PCSK5: variants seen among roughly 807,000 people sequenced by gnomAD.
The protein encoded by PCSK5 is prohormone convertase 5.
Under a neutral mutation model 233.2 loss-of-function variants are expected in PCSK5, and 129 were observed. The ratio of observed to expected loss-of-function variants is 0.55; its 90% confidence interval spans 0.48 to 0.64. PCSK5 has a LOEUF of 0.64. PCSK5 is among the 30% of genes least tolerant of loss of function. The pLI, the probability that PCSK5 is intolerant of heterozygous loss-of-function variation, is 0.00. For missense variants in PCSK5, 2,076 were observed against 2,430.1 expected (o/e 0.85, Z 3.06); for synonymous variants, 825 against 879.2 (o/e 0.94, Z 1.09).
intron 20 of PCSK5, among the ~76,000 whole-genome samples, chr9:76,216,479 CAGTG>C (rs991184884): frequency 3.3e-5 from 5 of 152,164 alleles, no homozygotes; most frequent in Non-Finnish European, 4.4e-5. Flanking sequence ...GGGTGAAGAT[CAGTG>C]AGTGTCACAA....
At chr9:76,233,205 T>C (rs1826148577) in intron 21 of PCSK5, among the ~76,000 whole-genome samples, 1 of 152,208 alleles carries the variant, frequency 6.6e-6, no homozygotes, top group African/African-American at 2.4e-5. Flanking sequence ...CCAGTTAGCT[T>C]GTTTGGAAGC....
At chr9:75,942,744 G>A (rs1030671845) in intron 2 of PCSK5, among the ~76,000 whole-genome samples, 12 of 151,978 alleles carry the variant, frequency 7.9e-5, no homozygotes, top group Admixed American at 5.9e-4. Flanking sequence ...TAAAAGTGAC[G>A]GCCATAAAAA....
chr9:75,942,188 G>A lies in PCSK5; in HGVS notation c.297+9705G>A, dbSNP rs552169936. Among the ~76,000 whole-genome samples the A allele has an allele frequency of 2.0e-4, 31 of 152,326 alleles. No individual in the cohort carries two copies. The South Asian group carries it at 4.3e-3, about 21-fold the overall frequency. On this transcript the variant is annotated intron_variant, in intron 2 of 37. Transcript: ENST00000674117. The stretch of plus-strand genomic sequence containing the variant: ...CTGAGGCCGGCTGTCCTCAGGCTGC[G>A]GAGCTGGCTCGGTGTTGCCAATTTA...
intron 1 of PCSK5, among the ~76,000 whole-genome samples, chr9:75,903,610 A>ATT (rs1362575320): frequency 7.2e-6 from 1 of 139,718 alleles, no homozygotes; most frequent in African/African-American, 2.7e-5. Context: ...ATATATATAT[A>ATT]TTATATATAT....
chr9:75,960,348 T>C (rs1825294141), intron 2 of PCSK5, among the ~76,000 whole-genome samples: 1 of 151,700 alleles, frequency 6.6e-6, no homozygotes, highest in South Asian at 2.1e-4. Flanking sequence ...CAACCAGAGG[T>C]CAGGGCAGCT....
chr9:75,923,725 T>C (rs1823354706), intron 1 of PCSK5, among the ~76,000 whole-genome samples: 1 of 152,176 alleles, frequency 6.6e-6, no homozygotes, highest in Non-Finnish European at 1.5e-5. Context: ...CTTGCAATTC[T>C]AGAGGCCAGA....
Position 76,359,603 on chromosome 9 carries a change from A to G in PCSK5, c.*681A>G, listed in dbSNP as rs984049432. ...CCCAGGCCCTAGTTCCTCCGCAGGA[A>G]TCCAGAGTCACAACAATTCTAAAGG... On this transcript the variant is annotated 3_prime_UTR_variant, in exon 38 of 38. Coordinates refer to ENST00000674117, the MANE Select transcript of PCSK5 (RefSeq NM_001372043.1). 1.3e-5 allele frequency: 2 copies of G among 152,216 alleles called. No individual in the cohort carries two copies. Among genetic ancestry groups the G allele is most frequent in the African/African-American group, 2.4e-5 (1 of 41,442 alleles). The allele number at this position is 152,216 out of a possible 1,614,324, so 9.4% of individuals were successfully genotyped here.
chr9:75,951,453 A>G (rs577190247), intron 2 of PCSK5, among the ~76,000 whole-genome samples: 3 of 152,232 alleles, frequency 2.0e-5, no homozygotes, highest in Non-Finnish European at 4.4e-5. Context: ...TCAAGTGTGT[A>G]GTTGAGCAAA....
intron 20 of PCSK5, chr9:76,194,419 A>T (rs1473207038): frequency 6.6e-6 from 1 of 152,616 alleles, no homozygotes; most frequent in Admixed American, 6.5e-5. Context: ...ACTTTTTTCA[A>T]TGGTGCTTAT....
intron 12 of PCSK5, among the ~76,000 whole-genome samples, chr9:76,165,668 A>G (rs1168514565): frequency 6.6e-6 from 1 of 152,244 alleles, no homozygotes; most frequent in Non-Finnish European, 1.5e-5. Context: ...GCACGTGATT[A>G]TGAAGTCAAC....
intron 20 of PCSK5, chr9:76,193,452 T>C: frequency 1.2e-6 from 1 of 853,166 alleles, no homozygotes; most frequent in South Asian, 2.3e-5. Context: ...GCAAGCCACC[T>C]CTCTCTTTCT....
At chr9:76,278,011 T>G (rs1827746270) in intron 24 of PCSK5, among the ~76,000 whole-genome samples, 1 of 152,190 alleles carries the variant, frequency 6.6e-6, no homozygotes, top group African/African-American at 2.4e-5. Flanking sequence ...CTTAATTATC[T>G]CTCAAAACAA....
intron 2 of PCSK5, among the ~76,000 whole-genome samples, chr9:75,933,608 AT>A (rs1281720174): frequency 6.6e-6 from 1 of 152,020 alleles, no homozygotes; most frequent in Non-Finnish European, 1.5e-5. Context: ...GCCTTGTTTA[AT>A]TTTTTTCTGG....
At chr9:76,133,953 G>A (rs146003535) in intron 9 of PCSK5, among the ~76,000 whole-genome samples, 156 bp from the exon 10 acceptor site, 13 of 152,074 alleles carry the variant, frequency 8.5e-5, no homozygotes, top group Non-Finnish European at 1.5e-4. Context: ...GAACAAGAGC[G>A]GCATTTGGCA....
At chr9:76,240,729 TC>T in intron 24 of PCSK5, 45 bp downstream of exon 24, 5 of 1,346,496 alleles carry the variant, frequency 3.7e-6, no homozygotes, top group Non-Finnish European at 5.2e-6. Context: ...AATAGCTAAG[TC>T]CTTTTCCACA....
chr9:76,162,730 T>C (rs1822919281), intron 12 of PCSK5, among the ~76,000 whole-genome samples: 1 of 152,198 alleles, frequency 6.6e-6, no homozygotes, highest in African/African-American at 2.4e-5. Context: ...TAAAACAATG[T>C]TTCCCTAGCA....
At chr9:75,926,202 C>T (rs1158459109) in intron 1 of PCSK5, among the ~76,000 whole-genome samples, 1 of 152,130 alleles carries the variant, frequency 6.6e-6, no homozygotes, top group African/African-American at 2.4e-5. Context: ...AACCAGAATT[C>T]AGAAAAGGGG....
chr9:76,172,712 C>T (rs144166456), intron 13 of PCSK5, among the ~76,000 whole-genome samples: 5 of 152,304 alleles, frequency 3.3e-5, no homozygotes, highest in East Asian at 3.9e-4. Context: ...AAGGAAAATG[C>T]GTTCTCTTTT....
chr9:76,139,659 A>C (rs151290442), intron 10 of PCSK5, among the ~76,000 whole-genome samples: 1 of 151,982 alleles, frequency 6.6e-6, no homozygotes, highest in Non-Finnish European at 1.5e-5. Flanking sequence ...TTAAGATTCT[A>C]TGTTTTCTAC....
Sources: gnomAD v4.1 joint callset for allele counts (sites outside exome capture counted in the v4.1 genomes callset) on GRCh38, gnomAD v4.1.1 for gene constraint, MANE v1.5 for transcripts, NCBI Gene and HGNC (gene_info 2026-07-23, HGNC 2026-07-21) for gene names.